ABHD2: variants seen among roughly 807,000 people sequenced by gnomAD.
The protein encoded by ABHD2 is abhydrolase domain containing 2, acylglycerol lipase, also known as monoacylglycerol lipase ABHD2.
Under a neutral mutation model 48.1 loss-of-function variants are expected in ABHD2, and 20 were observed. That is an observed-to-expected ratio of 0.42 (90% confidence interval 0.29 to 0.60). The LOEUF is 0.60. ABHD2 is among the 20% of genes least tolerant of loss of function. The pLI is 0.24. For missense variants in ABHD2, 405 were observed against 550.9 expected (o/e 0.74, Z 2.65); for synonymous variants, 209 against 214.2 (o/e 0.98, Z 0.21).
upstream of ABHD2, among the ~76,000 whole-genome samples, chr15:89,083,855 A>C (rs1200882500): frequency 6.6e-6 from 1 of 152,228 alleles, no homozygotes; most frequent in Non-Finnish European, 1.5e-5. The surrounding 1 kb of genome is among the most constrained non-coding windows in gnomAD (Gnocchi z 5.1). Flanking sequence ...TGGGACTTAA[A>C]GCCTCTAAAC....
chr15:89,113,156 C>T (rs2049902561), intron 1 of ABHD2, among the ~76,000 whole-genome samples: 1 of 152,204 alleles, frequency 6.6e-6, no homozygotes, highest in Non-Finnish European at 1.5e-5. Context: ...CGCTTCTCAG[C>T]AGCCAGCCTC....
At chr15:89,148,501 A>C (rs2050535385) in intron 3 of ABHD2, among the ~76,000 whole-genome samples, 1 of 152,230 alleles carries the variant, frequency 6.6e-6, no homozygotes, top group Non-Finnish European at 1.5e-5. Context: ...TATTGGTGGG[A>C]ATGTAAATGA....
At chr15:89,093,173 C>CTTTTTTTTT (rs71149272) in intron 1 of ABHD2, among the ~76,000 whole-genome samples, 1 of 71,782 alleles carries the variant, frequency 1.4e-5, no homozygotes, top group African/African-American at 4.7e-5. Context: ...TTTTTTCATT[C>CTTTTTTTTT]TTTTTTTTTT....
the ABHD2 span, among the ~76,000 whole-genome samples, chr15:89,067,529 G>A: frequency 1.3e-5 from 2 of 152,130 alleles, no homozygotes; most frequent in Admixed American, 1.3e-4. Context: ...CTTAGATTGT[G>A]GTGTGGCAGG....
intron 5 of ABHD2, among the ~76,000 whole-genome samples, chr15:89,162,335 A>G (rs1450909516): frequency 1.3e-5 from 2 of 152,054 alleles, no homozygotes; most frequent in African/African-American, 4.8e-5. Flanking sequence ...TCAGGTCCAT[A>G]TATTGCAATT....
rs1264382845 is a variant in ABHD2, at chr15:89,146,605, C to T, written c.195-5072C>T. 6.6e-6 allele frequency among the ~76,000 whole-genome samples: 1 copy of T among 152,160 alleles called. No homozygotes were observed. Among genetic ancestry groups the T allele is most frequent in the East Asian group, 1.9e-4 (1 of 5,182 alleles). ...CACGGCACAACATTGGCCACAATAC[C>T]ATAAGGATTAGTAAAGAAGTAGAAG... On this transcript the variant is annotated intron_variant, in intron 3 of 10. Transcript: ENST00000352732. This position sits in a 1 kb window ranked among gnomAD's most constrained non-coding sequence, Gnocchi z 4.2.
intron 3 of ABHD2, among the ~76,000 whole-genome samples, chr15:89,123,593 C>CTTTTTTTTT (rs138910210): frequency 7.8e-4 from 75 of 96,640 alleles, no homozygotes; most frequent in Middle Eastern, 7.4e-3. Flanking sequence ...TTCTTTCTTT[C>CTTTTTTTTT]TTTTTTTTTT....
At chr15:89,109,906 T>A (rs2049846421) in intron 1 of ABHD2, among the ~76,000 whole-genome samples, 2 of 152,178 alleles carry the variant, frequency 1.3e-5, no homozygotes, top group African/African-American at 4.8e-5. Flanking sequence ...CCACAGATGA[T>A]CAAGTCTGAT....
Position 89,097,538 on chromosome 15 carries a change from T to C in ABHD2, c.-107+8975T>C, listed in dbSNP as rs1596060059. Among the ~76,000 whole-genome samples the C allele has an allele frequency of 6.6e-6, 1 of 152,364 alleles. No homozygotes were observed. Among genetic ancestry groups the C allele is most frequent in the East Asian group, 1.9e-4 (1 of 5,190 alleles). On this transcript the variant is annotated intron_variant, in intron 1 of 10. Coordinates refer to ENST00000352732, the MANE Select transcript of ABHD2 (RefSeq NM_152924.5). This position sits in a 1 kb window ranked among gnomAD's most constrained non-coding sequence, Gnocchi z 4.2. ...GATTGCTCTACCATTTATGTCTCTT[T>C]TAAGCTATAGGTCCCCTTTTCTTTT...
chr15:89,067,318 T>C, the ABHD2 span, among the ~76,000 whole-genome samples: 1 of 152,258 alleles, frequency 6.6e-6, no homozygotes, highest in Non-Finnish European at 1.5e-5. Flanking sequence ...TTTAGCATTT[T>C]CTTTGAAGCA....
At chr15:89,187,444 C>T (rs1453690623) in intron 7 of ABHD2, among the ~76,000 whole-genome samples, 1 of 152,138 alleles carries the variant, frequency 6.6e-6, no homozygotes, top group African/African-American at 2.4e-5. Context: ...GTGAATGAGT[C>T]GCAGAATACC....
rs117665405 is a variant in ABHD2 at position 89,163,454 on chromosome 15, G to A, written c.538+7920G>A. 1.1e-3 allele frequency among the ~76,000 whole-genome samples: 168 copies of A among 152,304 alleles called. 2 individuals are homozygous for A. Among genetic ancestry groups the A allele is most frequent in the East Asian group, 8.3e-3 (43 of 5,182 alleles). The stretch of plus-strand genomic sequence containing the variant: ...ATGAGTGCCAGGCATGTGCTTTCAC[G>A]TTACTTCACTTGATCCTTACTGCCT... On this transcript the variant is annotated intron_variant, in intron 5 of 10. Coordinates refer to ENST00000352732, the MANE Select transcript of ABHD2 (RefSeq NM_152924.5).
rs1368304850 is a variant in ABHD2, at chr15:89,195,395, C to T, written c.1250C>T (p.Thr417Met). Reference protein sequence around the residue: ...WERNKLQCSDTEQVEADLE With the variant: ...WERNKLQCSDMEQVEADLE The stretch of plus-strand genomic sequence containing the variant: ...CGTAACAAGTTGCAGTGCTCTGACA[C>T]GGAGCAGGTGGAGGCCGACCTGGAG... Residue 417 changes from threonine (T) to methionine (M), a missense_variant, in exon 11 of 11, where the codon ACG (threonine) becomes ATG (methionine). By Grantham distance (81) the Thr-to-Met change is moderately conservative. Coordinates refer to ENST00000352732, the MANE Select transcript of ABHD2 (RefSeq NM_152924.5). This position sits in a 1 kb window ranked among gnomAD's most constrained non-coding sequence, Gnocchi z 5.1. 6.8e-6 allele frequency: 11 copies of T among 1,613,840 alleles called. No homozygotes were observed. The highest frequency in any genetic ancestry group is 2.2e-5 in the South Asian group (2 of 91,070).
chr15:89,181,294 T>A (rs1445881388), intron 6 of ABHD2, among the ~76,000 whole-genome samples: 1 of 151,814 alleles, frequency 6.6e-6, no homozygotes, highest in Non-Finnish European at 1.5e-5. Flanking sequence ...CATAATTTTT[T>A]AAAAATATGA....
At position 89,106,279 on chromosome 15, in the gene ABHD2, C is replaced by G. The variant is rs142882658; in HGVS notation, c.-106-7446C>G. The G allele has an allele frequency of 1.3e-5, 2 of 152,860 alleles. No homozygotes were observed. Among genetic ancestry groups the G allele is most frequent in the Non-Finnish European group, 2.9e-5 (2 of 68,614 alleles). 9.5% of individuals were successfully genotyped at this position (152,860 alleles called of 1,614,324 possible). On this transcript the variant is annotated intron_variant, in intron 1 of 10. Transcript: ENST00000352732. This position sits in a 1 kb window ranked among gnomAD's most constrained non-coding sequence, Gnocchi z 4.2. Reference sequence around the variant, plus strand: ...TGCCATTGCACTGCAGCTTGGGCGACAAGAGCGAAACTCCATCTCAAAAAC... The same window carrying G: ...TGCCATTGCACTGCAGCTTGGGCGAGAAGAGCGAAACTCCATCTCAAAAAC...
intron 3 of ABHD2, among the ~76,000 whole-genome samples, chr15:89,142,850 C>A (rs1289681780): frequency 6.6e-6 from 1 of 152,132 alleles, no homozygotes; most frequent in East Asian, 1.9e-4. Context: ...CGGATTCTAG[C>A]CTCCTGCGTT....
intron 1 of ABHD2, among the ~76,000 whole-genome samples, chr15:89,093,156 CA>C (rs1461866840): frequency 2.0e-5 from 3 of 150,764 alleles, no homozygotes; most frequent in Non-Finnish European, 4.4e-5. Context: ...GTCACATTTC[CA>C]GCATCTTTTT....
chr15:89,087,608 T>A (rs1457533079), upstream of ABHD2: 3 of 152,254 alleles, frequency 2.0e-5, no homozygotes, highest in African/African-American at 7.2e-5. The surrounding 1 kb of genome is among the most constrained non-coding windows in gnomAD (Gnocchi z 5.5). Flanking sequence ...TTTAATCTTC[T>A]CATCAACTAC....
intron 1 of ABHD2, among the ~76,000 whole-genome samples, chr15:89,103,530 T>G (rs558267538): frequency 6.6e-6 from 1 of 152,298 alleles, no homozygotes; most frequent in African/African-American, 2.4e-5. Context: ...TTCGCCCCTG[T>G]GTCATTCAGT....
Sources: allele counts gnomAD v4.1 joint callset (sites outside exome capture counted in the v4.1 genomes callset), GRCh38; gene constraint gnomAD v4.1.1; non-coding constraint Gnocchi (gnomAD v3.1); transcripts MANE v1.5; gene names NCBI Gene and HGNC (gene_info 2026-07-23, HGNC 2026-07-21).